The following LHX8 variants were observed in gnomAD, a reference collection of about 807,000 sequenced individuals.
LHX8 encodes LIM homeobox 8.
In LHX8, 12 loss-of-function variants were observed where a neutral mutation model predicts 40.3. The ratio of observed to expected loss-of-function variants is 0.30; its 90% CI spans 0.19 to 0.48. The LOEUF is 0.48. Among genes scored for constraint, LHX8 ranks in the 20% least tolerant of loss-of-function variants. The probability of loss-of-function intolerance (pLI) is 0.99; values close to 1 mark genes in which losing one functional copy is unlikely to be tolerated. For synonymous variants in LHX8, 179 were observed against 162.0 expected, an observed-to-expected ratio of 1.10 and a Z score of -0.80; for missense variants, 344 against 433.7, an observed-to-expected ratio of 0.79 and a Z score of 1.84.
the LHX8 span, among the ~76,000 whole-genome samples, chr1:75,181,621 G>A: frequency 6.6e-6 from 1 of 152,294 alleles, no homozygotes; most frequent in East Asian, 1.9e-4. Flanking sequence ...CCCTTGGCTA[G>A]GAAAGGGAAA....
intron 2 of LHX8, 111 bp from the exon 3 acceptor site, chr1:75,136,989 T>A: frequency 1.6e-6 from 1 of 607,694 alleles, no homozygotes. Flanking sequence ...GGGGGTGGGG[T>A]GGGGTGGCCA....
chr1:75,188,303 A>G, the LHX8 span, among the ~76,000 whole-genome samples: 1 of 152,182 alleles, frequency 6.6e-6, no homozygotes, highest in African/African-American at 2.4e-5. Flanking sequence ...TCAAATGTCA[A>G]CTTTAGTTTG....
the LHX8 span, among the ~76,000 whole-genome samples, chr1:75,193,450 C>A: frequency 6.6e-6 from 1 of 152,152 alleles, no homozygotes; most frequent in East Asian, 1.9e-4. Flanking sequence ...GCCAGAGGTT[C>A]CACATTTCTA....
chr1:75,163,179 C>T (rs922544516), downstream of LHX8, among the ~76,000 whole-genome samples: 1 of 152,112 alleles, frequency 6.6e-6, no homozygotes, highest in African/African-American at 2.4e-5. Flanking sequence ...TTCCACATCA[C>T]TCGTTGTAAA....
intron 4 of LHX8, among the ~76,000 whole-genome samples, chr1:75,142,501 C>T (rs1428766898): frequency 6.6e-6 from 1 of 152,096 alleles, no homozygotes; most frequent in Non-Finnish European, 1.5e-5. Context: ...TATTTCCTTC[C>T]TTCTATGGAT....
At chr1:75,129,440 T>A (rs760332433), upstream of LHX8, among the ~76,000 whole-genome samples, 55 of 151,838 alleles carry the variant, frequency 3.6e-4, 2 homozygotes, top group South Asian at 7.1e-3. Flanking sequence ...TTGGGCCAAC[T>A]TTTTTTTTGT....
the LHX8 span, among the ~76,000 whole-genome samples, chr1:75,185,611 A>G: frequency 2.6e-5 from 4 of 152,224 alleles, no homozygotes; most frequent in African/African-American, 9.6e-5. Flanking sequence ...AAAAGCTGGA[A>G]GTATTCCTCT....
At chr1:75,160,785 A>C (rs774110192) in intron 8 of LHX8, 34 bp from the exon 9 acceptor site, 1 of 1,483,430 alleles carries the variant, frequency 6.7e-7, no homozygotes, top group East Asian at 2.3e-5. Context: ...TGCACCCTAC[A>C]AAACTGATCC....
At position 75,151,062 on chromosome 1, in the gene LHX8, G is replaced by A. The variant is rs181516551; in HGVS notation, c.780+2380G>A. ...TAAAAGGCAAGAGGAAACTCAGGGA[G>A]GGGAAAGGCAAATGTCTTCATTGCA... On this transcript the variant is annotated intron_variant, in intron 7 of 8. Transcript: ENST00000356261. 1.4e-4 allele frequency among the ~76,000 whole-genome samples: 22 copies of A among 152,264 alleles called. No individual in the cohort carries two copies. In the East Asian group the frequency reaches 4.1e-3, roughly 28 times the overall value.
At chr1:75,150,699 G>A (rs1343426944) in intron 7 of LHX8, among the ~76,000 whole-genome samples, 1 of 141,132 alleles carries the variant, frequency 7.1e-6, no homozygotes, top group African/African-American at 2.6e-5. Context: ...TTTTTTTTTC[G>A]AGACAGAGTC....
the LHX8 span, among the ~76,000 whole-genome samples, chr1:75,190,877 G>C: frequency 6.6e-6 from 1 of 152,044 alleles, no homozygotes; most frequent in Non-Finnish European, 1.5e-5. Flanking sequence ...TAAGATATTA[G>C]CATATTTACT....
the LHX8 span, among the ~76,000 whole-genome samples, chr1:75,181,878 T>C: frequency 2.8e-4 from 43 of 152,326 alleles, no homozygotes; most frequent in African/African-American, 1.0e-3. Flanking sequence ...TTTGAGTTTC[T>C]TGTAGATTCT....
At chr1:75,154,228 T>C (rs1648693458) in intron 7 of LHX8, among the ~76,000 whole-genome samples, 1 of 152,164 alleles carries the variant, frequency 6.6e-6, no homozygotes, top group South Asian at 2.1e-4. Context: ...TCTGGAATCT[T>C]AAACTATATT....
chr1:75,142,787 T>G (rs1044996899), intron 4 of LHX8, among the ~76,000 whole-genome samples: 5 of 152,186 alleles, frequency 3.3e-5, no homozygotes, highest in Non-Finnish European at 7.4e-5. Context: ...TGTGTTTATC[T>G]TGATTCTTTA....
the LHX8 span, among the ~76,000 whole-genome samples, chr1:75,197,752 C>G: frequency 6.6e-6 from 1 of 152,090 alleles, no homozygotes; most frequent in Non-Finnish European, 1.5e-5. Context: ...AGATTTGAAG[C>G]CTGCAGTTTT....
chr1:75,169,043 C>T, the LHX8 span, among the ~76,000 whole-genome samples: 2 of 152,156 alleles, frequency 1.3e-5, no homozygotes, highest in African/African-American at 4.8e-5. Flanking sequence ...CCCCCTGTGG[C>T]TTTCCTTCAT....
intron 7 of LHX8, among the ~76,000 whole-genome samples, chr1:75,153,152 C>T (rs1648654857): frequency 1.3e-5 from 2 of 152,014 alleles, no homozygotes; most frequent in African/African-American, 4.8e-5. Flanking sequence ...GTCACCCAGG[C>T]TGGAGTGCAG....
chr1:75,196,431 A>T, the LHX8 span, among the ~76,000 whole-genome samples: 1 of 152,140 alleles, frequency 6.6e-6, no homozygotes, highest in African/African-American at 2.4e-5. Flanking sequence ...AGCAATACAC[A>T]TGGCACTCTT....
chr1:75,148,414 A>C (rs1648520429), intron 6 of LHX8, among the ~76,000 whole-genome samples, 173 bp from the exon 7 acceptor site: 1 of 152,164 alleles, frequency 6.6e-6, no homozygotes, highest in Non-Finnish European at 1.5e-5. Flanking sequence ...CTTGTGTATA[A>C]ATTTACAAAA....
Sources: allele counts gnomAD v4.1 joint callset (sites outside exome capture counted in the v4.1 genomes callset), GRCh38; gene constraint gnomAD v4.1.1; transcripts MANE v1.5; gene names NCBI Gene and HGNC (gene_info 2026-07-23, HGNC 2026-07-21).